The following HIPK2 variants were observed in gnomAD, a reference collection of about 807,000 sequenced individuals.
The protein encoded by HIPK2 is homeodomain-interacting protein kinase 2.
A neutral mutation model predicts 113.7 loss-of-function variants in HIPK2; 27 were observed. The observed-to-expected ratio is 0.24, with a 90% CI of 0.17 to 0.33. The LOEUF (loss-of-function observed/expected upper bound fraction) is 0.33, where lower values mean the gene tolerates loss of function less well. Among genes scored for constraint, HIPK2 ranks in the 10% least tolerant of loss-of-function variants. HIPK2 has a pLI of 1.00. For synonymous variants in HIPK2, 631 were observed against 642.2 expected (o/e 0.98, Z 0.26); for missense variants, 1,257 against 1,588.0 (o/e 0.79, Z 3.54).
At chr7:139,708,901 T>C (rs190803464) in intron 2 of HIPK2, among the ~76,000 whole-genome samples, 14 of 152,302 alleles carry the variant, frequency 9.2e-5, no homozygotes, top group Middle Eastern at 3.4e-3. Context: ...TGAGTCTGTG[T>C]GTGTGCATGT....
At chr7:139,573,536 T>G in intron 14 of HIPK2, 139 bp from the exon 15 acceptor site, 1 of 798,996 alleles carries the variant, frequency 1.3e-6, no homozygotes, top group Non-Finnish European at 2.0e-6. Context: ...CCTCTGTGTG[T>G]TGAGAAAGTA....
chr7:139,723,194 CT>C (rs71170911), intron 1 of HIPK2, among the ~76,000 whole-genome samples: 29,242 of 132,790 alleles, frequency 0.22, 2,890 homozygotes, highest in African/African-American at 0.42. Context: ...TTTCTTTCTT[CT>C]TTTTTTTTTT....
chr7:139,600,993 A>T (rs990796697), intron 10 of HIPK2, among the ~76,000 whole-genome samples: 6 of 152,198 alleles, frequency 3.9e-5, no homozygotes, highest in African/African-American at 1.2e-4. Flanking sequence ...CTGTAATCCC[A>T]GCACTCTGGG....
intron 1 of HIPK2, among the ~76,000 whole-genome samples, chr7:139,757,953 C>A (rs550372673): frequency 6.6e-6 from 1 of 152,274 alleles, no homozygotes; most frequent in African/African-American, 2.4e-5. Flanking sequence ...TAACTTAAGA[C>A]ATGTATACAA....
At position 139,735,070 on chromosome 7, in the gene HIPK2, CTAGAAGTAAGTCA is replaced by C. The variant is rs577218217; in HGVS notation, c.20-18068_20-18056del. 1.2e-3 allele frequency among the ~76,000 whole-genome samples: 180 copies of C among 152,284 alleles called. 1 individual carries two copies. The highest frequency in any genetic ancestry group is 3.9e-3 in the South Asian group (19 of 4,826). On this transcript the variant is annotated intron_variant, in intron 1 of 14. Transcript: ENST00000406875. ...TAATTGACACTAATCTTAGTGAAGTCTAGAAGTAAGTCATAGGTTTTTCACTGTCGAGGGGGGA... is the reference window on the plus strand; with the variant it reads ...TAATTGACACTAATCTTAGTGAAGTCTAGGTTTTTCACTGTCGAGGGGGGA...
chr7:139,681,688 T>C (rs1452068268), intron 2 of HIPK2, among the ~76,000 whole-genome samples: 1 of 152,124 alleles, frequency 6.6e-6, no homozygotes, highest in Non-Finnish European at 1.5e-5. Context: ...CATTTAAAAC[T>C]CCTCACATGA....
chr7:139,703,068 C>T (rs941981319), intron 2 of HIPK2, among the ~76,000 whole-genome samples: 22 of 151,984 alleles, frequency 1.4e-4, no homozygotes, highest in African/African-American at 4.6e-4. Flanking sequence ...TCTTTTTTAC[C>T]CAAACACAGC....
chr7:139,747,970 C>T (rs757297860), intron 1 of HIPK2, among the ~76,000 whole-genome samples: 4 of 152,146 alleles, frequency 2.6e-5, no homozygotes, highest in Admixed American at 6.5e-5. Context: ...GACATCAGTA[C>T]GGAAAGCTCT....
Position 139,613,464 on chromosome 7 carries a change from C to G in HIPK2, c.1991-141G>C. On this transcript the variant is annotated intron_variant, in intron 8 of 14. Transcript: ENST00000406875. The surrounding 1 kb of genome is among the most constrained non-coding windows in gnomAD (Gnocchi z 4.2). ...TGACAACAACCAGGTATTGCCTGGT[C>G]CTTGGAAGTCTCCCCTTTGGCTTCT... 1.1e-6 allele frequency: 1 copy of G among 908,076 alleles called. No individual in the cohort carries two copies. Among genetic ancestry groups the G allele is most frequent in the Non-Finnish European group, 1.6e-6 (1 of 618,734 alleles). 56.3% of individuals were successfully genotyped at this position (908,076 alleles called of 1,614,324 possible).
intron 2 of HIPK2, among the ~76,000 whole-genome samples, chr7:139,651,065 TAA>T (rs1251966624): frequency 6.6e-6 from 1 of 152,198 alleles, no homozygotes; most frequent in Non-Finnish European, 1.5e-5. Context: ...TGGGCGTCTC[TAA>T]GAGGGGAGGG....
At chr7:139,764,875 C>G (rs904393183) in intron 1 of HIPK2, among the ~76,000 whole-genome samples, 1 of 152,146 alleles carries the variant, frequency 6.6e-6, no homozygotes, top group Non-Finnish European at 1.5e-5. Context: ...GTGGCTCACG[C>G]CTGTAATCCC....
At chr7:139,735,263 T>A (rs2117049604) in intron 1 of HIPK2, among the ~76,000 whole-genome samples, 1 of 152,352 alleles carries the variant, frequency 6.6e-6, no homozygotes, top group East Asian at 1.9e-4. Flanking sequence ...CTTTCTCATC[T>A]CTTACTGGGA....
chr7:139,734,022 C>T (rs73474104), intron 1 of HIPK2, among the ~76,000 whole-genome samples: 2,100 of 152,300 alleles, frequency 0.014, 48 homozygotes, highest in African/African-American at 0.047. Context: ...CTTAGGCCAT[C>T]CTAACCAGTG....
At chr7:139,644,507 G>A (rs1801140941) in intron 2 of HIPK2, among the ~76,000 whole-genome samples, 2 of 152,258 alleles carry the variant, frequency 1.3e-5, no homozygotes. Flanking sequence ...AAGGCCAGAG[G>A]CTGGGAATCC....
At chr7:139,694,836 C>A (rs1427639725) in intron 2 of HIPK2, among the ~76,000 whole-genome samples, 1 of 152,158 alleles carries the variant, frequency 6.6e-6, no homozygotes, top group African/African-American at 2.4e-5. Context: ...GACTGGCAAC[C>A]ATTTATGGGG....
chr7:139,656,580 T>C (rs962067803), intron 2 of HIPK2, among the ~76,000 whole-genome samples: 1 of 152,216 alleles, frequency 6.6e-6, no homozygotes, highest in Non-Finnish European at 1.5e-5. Context: ...GCCTGCTGCC[T>C]GACTCACTTT....
At position 139,597,026 on chromosome 7, in the gene HIPK2, C is replaced by T. The variant is rs977659673; in HGVS notation, c.2436-28G>A. 1.1e-5 allele frequency: 17 copies of T among 1,570,148 alleles called. No individual in the cohort carries two copies. The South Asian group carries it at 1.8e-4, about 17-fold the overall frequency. ...GTAATGAGAAAACCACACTCTCACACAGAGGAAGGTCAGGCCCCACAACTC... is the reference window on the plus strand; with the variant it reads ...GTAATGAGAAAACCACACTCTCACATAGAGGAAGGTCAGGCCCCACAACTC... On this transcript the variant is annotated intron_variant, in intron 11 of 14. Coordinates refer to ENST00000406875, the MANE Select transcript of HIPK2 (RefSeq NM_022740.5).
intron 1 of HIPK2, among the ~76,000 whole-genome samples, chr7:139,740,800 T>TAAAC (rs1391140867): frequency 6.6e-6 from 1 of 152,202 alleles, no homozygotes; most frequent in Non-Finnish European, 1.5e-5. Context: ...AAGCTGGCAG[T>TAAAC]AAACAAACAC....
chr7:139,708,752 G>A (rs1045106292), intron 2 of HIPK2, among the ~76,000 whole-genome samples: 1 of 152,216 alleles, frequency 6.6e-6, no homozygotes, highest in Non-Finnish European at 1.5e-5. Context: ...CGTGTGCCTT[G>A]TGTCTTTCAC....
Sources: allele counts gnomAD v4.1 joint callset (sites outside exome capture counted in the v4.1 genomes callset), GRCh38; gene constraint gnomAD v4.1.1; non-coding constraint Gnocchi (gnomAD v3.1); transcripts MANE v1.5; gene names NCBI Gene and HGNC (gene_info 2026-07-23, HGNC 2026-07-21).